Variants in SYNE1 observed in about 807,000 individuals in gnomAD.
SYNE1 encodes the protein spectrin repeat containing nuclear envelope protein 1, also known as nesprin-1.
In SYNE1, 616 loss-of-function variants were observed where a neutral mutation model predicts 1,111.0. That is an observed-to-expected ratio of 0.55 (90% CI 0.52 to 0.59). The LOEUF (loss-of-function observed/expected upper bound fraction) is 0.59. Among genes scored for constraint, SYNE1 ranks in the 20% least tolerant of loss-of-function variants. SYNE1 has a pLI of 0.00. For synonymous variants in SYNE1, 3,855 were observed against 3,825.8 expected, an observed-to-expected ratio of 1.01 and a Z score of -0.28; for missense variants, 10,006 against 10,417.0, an observed-to-expected ratio of 0.96 and a Z score of 1.72.
At chr6:152,141,522 C>T (rs975475772) in intron 138 of SYNE1, among the ~76,000 whole-genome samples, 193 bp from the exon 139 acceptor site, 3 of 151,838 alleles carry the variant, frequency 2.0e-5, no homozygotes, top group South Asian at 2.1e-4. Context: ...TTTGGGAGGC[C>T]GAGGAAGATG....
chr6:152,409,003 C>T (rs2097957417), intron 44 of SYNE1, 65 bp downstream of exon 44: 1 of 1,512,546 alleles, frequency 6.6e-7, no homozygotes, highest in Non-Finnish European at 9.1e-7. Flanking sequence ...AACGCTTTGT[C>T]CAAAAATTTG....
chr6:152,163,525 A>C (rs1398578588), intron 131 of SYNE1, among the ~76,000 whole-genome samples: 4 of 150,760 alleles, frequency 2.7e-5, no homozygotes, highest in African/African-American at 9.7e-5. Context: ...AAAAGAAAGA[A>C]TAAATGAGGG....
intron 87 of SYNE1, among the ~76,000 whole-genome samples, chr6:152,311,837 G>C (rs375231659): frequency 6.6e-6 from 1 of 151,754 alleles, no homozygotes; most frequent in East Asian, 1.9e-4. Context: ...GTGCAGTGGC[G>C]CAATCTCAGC....
intron 2 of SYNE1, among the ~76,000 whole-genome samples, chr6:152,634,842 A>G (rs2099703569): frequency 6.6e-6 from 1 of 152,250 alleles, no homozygotes; most frequent in Non-Finnish European, 1.5e-5. Flanking sequence ...GCCAAACATT[A>G]GTTCTCGTTA....
chr6:152,454,739 G>A (rs2098682516), intron 24 of SYNE1, among the ~76,000 whole-genome samples: 1 of 152,166 alleles, frequency 6.6e-6, no homozygotes, highest in South Asian at 2.1e-4. Context: ...GATATTTTGT[G>A]TTTTGTGGTC....
Position 152,220,974 on chromosome 6 carries a change from T to C in SYNE1, c.21729A>G (p.Arg7243=), listed in dbSNP as rs146044935. The change falls in exon 119 of 146, where the codon AGA becomes AGG. Residue 7243 remains arginine, a synonymous_variant. Coordinates refer to ENST00000367255, the MANE Select transcript of SYNE1 (RefSeq NM_182961.4). Reference sequence around the variant, plus strand: ...CACACTGTTTGGAGTAGTCCTTGTATCTTTGCCAAAGCTGAAGTAGGGCCT... The same window carrying C: ...CACACTGTTTGGAGTAGTCCTTGTACCTTTGCCAAAGCTGAAGTAGGGCCT... ...SSKALLQLWQ[R]YKDYSKQCAS... 2 of 1,614,054 alleles carry C rather than the reference T, an allele frequency of 1.2e-6. No homozygotes were observed. The highest frequency in any genetic ancestry group is 2.2e-5 in the East Asian group (1 of 44,890).
intron 3 of SYNE1, among the ~76,000 whole-genome samples, chr6:152,620,856 A>G (rs1583568639): frequency 6.6e-6 from 1 of 152,350 alleles, no homozygotes; most frequent in East Asian, 1.9e-4. Context: ...TATGTAGGGC[A>G]CTGATGTGAG....
chr6:152,417,807 G>T (rs1372680556), intron 40 of SYNE1, among the ~76,000 whole-genome samples: 2 of 152,046 alleles, frequency 1.3e-5, no homozygotes, highest in Non-Finnish European at 2.9e-5. Flanking sequence ...TTTAAAAGAT[G>T]TATATGTGTA....
intron 132 of SYNE1, 52 bp from the exon 133 acceptor site, chr6:152,155,094 T>C (rs1586382501): frequency 1.2e-6 from 2 of 1,610,498 alleles, no homozygotes; most frequent in Non-Finnish European, 1.7e-6. Context: ...CTGTTTTCGC[T>C]CCAGAACCCG....
rs1013408735 is a variant in SYNE1, at chr6:152,430,023, T to C, written c.4788+89A>G. 13 of 888,912 alleles carry C rather than the reference T, an allele frequency of 1.5e-5. No individual in the cohort carries two copies. In the African/African-American group the frequency reaches 2.2e-4, roughly 15 times the overall value. The allele number at this position is 888,912 out of a possible 1,614,324, so 55.1% of individuals were successfully genotyped here. ...ATAAACATTTTTCCAATTTCAATTC[T>C]CTTAAAAAGTTTACTGTATTTTCTT... is the stretch of plus-strand genomic sequence containing the variant. On this transcript the variant is annotated intron_variant, in intron 36 of 145. Transcript: ENST00000367255.
At chr6:152,350,387 A>G in intron 71 of SYNE1, 52 bp from the exon 72 acceptor site, 1 of 1,612,538 alleles carries the variant, frequency 6.2e-7, no homozygotes, top group Non-Finnish European at 8.5e-7. Context: ...AAACCTACTC[A>G]AAACTGTTTT....
chr6:152,413,412 T>C lies in SYNE1; in HGVS notation c.6170A>G (p.Asp2057Gly), dbSNP rs112966049. 1 of 1,614,180 alleles carries C rather than the reference T, an allele frequency of 6.2e-7. No homozygotes were observed. The highest frequency in any genetic ancestry group is 1.1e-5 in the South Asian group (1 of 91,086). ...QKDVAFAPEV[D>G]REINRLEVTW... The stretch of plus-strand genomic sequence containing the variant: ...GACCTCTAAGCGGTTTATCTCCCTG[T>C]CAACTTCAGGTGCAAAAGCTACATC... The change falls in exon 42 of 146, where the codon GAC becomes GGC. Residue 2057 changes from aspartate (D) to glycine (G), a missense_variant. Asp to Gly is a moderately conservative substitution (Grantham distance 94). Coordinates refer to ENST00000367255, the MANE Select transcript of SYNE1 (RefSeq NM_182961.4).
At chr6:152,476,029 A>G (rs1314900321) in intron 14 of SYNE1, among the ~76,000 whole-genome samples, 3 of 151,968 alleles carry the variant, frequency 2.0e-5, no homozygotes, top group Admixed American at 6.6e-5. Context: ...CTACTCTTCA[A>G]TCTCTTAATA....
chr6:152,385,780 A>G lies in SYNE1; in HGVS notation c.8546T>C (p.Val2849Ala), dbSNP rs375079396. ...VKDHLMYLDAVHEFTDWLHSA... is the reference protein window; with the variant it reads ...VKDHLMYLDAAHEFTDWLHSA... ...ATGGAGCCAATCTGTGAACTCGTGG[A>G]CCGCATCTAAATACATTAGATGATC... The change falls in exon 55 of 146, where the codon GTC becomes GCC. Residue 2849 changes from valine (V) to alanine (A), a missense_variant. Coordinates refer to ENST00000367255, the MANE Select transcript of SYNE1 (RefSeq NM_182961.4). The G allele has an allele frequency of 6.5e-5, 105 of 1,614,120 alleles. No individual in the cohort carries two copies. The African/African-American group carries it at 1.1e-3, about 17-fold the overall frequency.
chr6:152,606,346 C>T (rs1310480084), intron 3 of SYNE1, among the ~76,000 whole-genome samples: 1 of 152,140 alleles, frequency 6.6e-6, no homozygotes, highest in East Asian at 1.9e-4. Context: ...AGTCCACTGC[C>T]CCCTGTCCAG....
At chr6:152,250,573 T>C (rs545957958) in intron 104 of SYNE1, among the ~76,000 whole-genome samples, 33 of 152,304 alleles carry the variant, frequency 2.2e-4, no homozygotes, top group African/African-American at 7.2e-4. Flanking sequence ...GCGCTGAACA[T>C]GAGAACTAGA....
At chr6:152,458,985 C>T in intron 21 of SYNE1, 55 bp from the exon 22 acceptor site, 1 of 1,512,648 alleles carries the variant, frequency 6.6e-7, no homozygotes, top group Non-Finnish European at 9.2e-7. Flanking sequence ...GCCACTAGCT[C>T]AGGGAACGTT....
At chr6:152,565,511 C>T (rs776517788) in intron 3 of SYNE1, among the ~76,000 whole-genome samples, 36 of 152,206 alleles carry the variant, frequency 2.4e-4, no homozygotes, top group South Asian at 4.1e-4. Flanking sequence ...AAGTGTCTGA[C>T]GACCCAATAC....
At chr6:152,252,623 G>C (rs2089664608) in intron 104 of SYNE1, among the ~76,000 whole-genome samples, 1 of 152,202 alleles carries the variant, frequency 6.6e-6, no homozygotes, top group Admixed American at 6.5e-5. Context: ...TCCAGTAACT[G>C]CTGAGGACTG....
Sources: gnomAD v4.1 joint callset for allele counts (sites outside exome capture counted in the v4.1 genomes callset) on GRCh38, gnomAD v4.1.1 for gene constraint, MANE v1.5 for transcripts, NCBI Gene and HGNC (gene_info 2026-07-23, HGNC 2026-07-21) for gene names.